Variants in PCDH11Y observed in about 807,000 individuals in gnomAD.
PCDH11Y encodes the protein protocadherin 11 Y-linked, also known as protocadherin-11 Y-linked.
For synonymous variants in PCDH11Y, 9 were observed against 83.6 expected, an observed-to-expected ratio of 0.11 and a Z score of 4.87; for missense variants, 12 against 224.8, an observed-to-expected ratio of 0.05 and a Z score of 6.05.
chrY:5,530,534 G>A (rs34707294), intron 3 of PCDH11Y, among the ~76,000 whole-genome samples: 1 of 32,163 alleles, frequency 3.1e-5, no homozygotes, highest in African/African-American at 1.2e-4. Context: ...TTTTATAAAC[G>A]CAGTCAGTAT....
At chrY:5,135,692 G>A in intron 2 of PCDH11Y, among the ~76,000 whole-genome samples, 1 of 33,168 alleles carries the variant, frequency 3.0e-5, no homozygotes, top group Non-Finnish European at 7.4e-5. Context: ...CAGTATTTCC[G>A]TAACTACCCT....
intron 4 of PCDH11Y, among the ~76,000 whole-genome samples, chrY:5,593,828 A>T: frequency 6.2e-5 from 2 of 32,045 alleles, no homozygotes; most frequent in Non-Finnish European, 1.5e-4. Flanking sequence ...TAACTCTGGG[A>T]GACTGGTATT....
chrY:5,217,990 T>G (rs2052948539), intron 2 of PCDH11Y, among the ~76,000 whole-genome samples: 2 of 33,574 alleles, frequency 6.0e-5, no homozygotes, highest in Non-Finnish European at 7.4e-5. Context: ...TCTCCTCACC[T>G]GTAAGGCTGT....
At chrY:5,433,673 G>T (rs375344323) in intron 2 of PCDH11Y, among the ~76,000 whole-genome samples, 1 of 32,381 alleles carries the variant, frequency 3.1e-5, no homozygotes, top group African/African-American at 1.2e-4. Context: ...TTTTAGTAGA[G>T]ACAGGGTCTC....
At chrY:5,605,197 C>T (rs2053477834) in intron 4 of PCDH11Y, among the ~76,000 whole-genome samples, 1 of 32,931 alleles carries the variant, frequency 3.0e-5, no homozygotes, top group Non-Finnish European at 7.5e-5. Flanking sequence ...ATGCACTAAT[C>T]GGAAAACTGT....
intron 3 of PCDH11Y, among the ~76,000 whole-genome samples, chrY:5,520,499 G>A: frequency 2.2e-4 from 7 of 32,161 alleles, no homozygotes; most frequent in Non-Finnish European, 4.5e-4. Flanking sequence ...TGTTTTGTAT[G>A]AACATTTCAC....
At chrY:5,012,522 A>G in intron 1 of PCDH11Y, among the ~76,000 whole-genome samples, 3 of 31,234 alleles carry the variant, frequency 9.6e-5, no homozygotes, top group Non-Finnish European at 2.3e-4. Context: ...ACCTTCCACC[A>G]GGCCCCTCCT....
intron 3 of PCDH11Y, among the ~76,000 whole-genome samples, chrY:5,575,798 T>C: frequency 1.5e-4 from 5 of 32,891 alleles, no homozygotes; most frequent in African/African-American, 5.9e-4. Context: ...CATTATTATC[T>C]TGGAGGCATG....
intron 3 of PCDH11Y, among the ~76,000 whole-genome samples, chrY:5,038,250 T>C: frequency 3.2e-5 from 1 of 31,737 alleles, no homozygotes; most frequent in African/African-American, 1.2e-4. Flanking sequence ...TCACAGGTAC[T>C]TATTTATAGT....
At chrY:5,512,611 T>C in intron 3 of PCDH11Y, among the ~76,000 whole-genome samples, 2 of 32,305 alleles carry the variant, frequency 6.2e-5, no homozygotes, top group African/African-American at 2.4e-4. Context: ...AGAGTTTTCA[T>C]TTCTAACAAG....
intron 1 of PCDH11Y, among the ~76,000 whole-genome samples, chrY:5,002,269 A>G (rs2124616888): frequency 3.7e-4 from 12 of 32,220 alleles, no homozygotes; most frequent in African/African-American, 1.5e-3. Context: ...GTGTCATAGC[A>G]GTCGCCTGTG....
intron 2 of PCDH11Y, among the ~76,000 whole-genome samples, chrY:5,251,840 T>C (rs1602893840): frequency 6.1e-5 from 2 of 32,909 alleles, no homozygotes; most frequent in Admixed American, 5.6e-4. Context: ...CCTTATTTCA[T>C]TGGAATACAA....
intron 3 of PCDH11Y, among the ~76,000 whole-genome samples, chrY:5,519,257 G>T (rs2124689916): frequency 6.3e-5 from 2 of 31,546 alleles, no homozygotes; most frequent in South Asian, 1.5e-3. Context: ...GGGCGTGGTG[G>T]CGGGCGCCTG....
chrY:5,200,371 C>T, intron 2 of PCDH11Y, among the ~76,000 whole-genome samples: 3 of 32,148 alleles, frequency 9.3e-5, no homozygotes, highest in Admixed American at 2.9e-4. Flanking sequence ...TGAAAGAAGA[C>T]ACTTAAATGC....
At chrY:5,684,735 A>G (rs2053561865) in intron 4 of PCDH11Y, among the ~76,000 whole-genome samples, 1 of 34,116 alleles carries the variant, frequency 2.9e-5, no homozygotes, top group Non-Finnish European at 7.3e-5. Flanking sequence ...ACAGAAACAC[A>G]AATATTGCAC....
chrY:5,294,508 C>T, intron 2 of PCDH11Y, among the ~76,000 whole-genome samples: 4 of 31,718 alleles, frequency 1.3e-4, no homozygotes, highest in Non-Finnish European at 3.0e-4. Flanking sequence ...CTGCCTGCCT[C>T]GGCCTCCCAA....
chrY:5,330,506 T>C, intron 2 of PCDH11Y, among the ~76,000 whole-genome samples: 13 of 33,970 alleles, frequency 3.8e-4, no homozygotes, highest in Non-Finnish European at 8.1e-4. Flanking sequence ...TAAACAAATA[T>C]TTGTAGGTTA....
At chrY:5,395,015 C>G (rs2124676346) in intron 2 of PCDH11Y, among the ~76,000 whole-genome samples, 1 of 32,845 alleles carries the variant, frequency 3.0e-5, no homozygotes, top group South Asian at 6.6e-4. Flanking sequence ...TTCCTACCTC[C>G]AAGGACCTCA....
At chrY:5,201,598 C>T in intron 2 of PCDH11Y, among the ~76,000 whole-genome samples, 2 of 32,478 alleles carry the variant, frequency 6.2e-5, no homozygotes, top group Non-Finnish European at 1.5e-4. Flanking sequence ...ATGTTTCCCT[C>T]ACTCCAAGTC....
Sources: gnomAD v4.1 joint callset for allele counts (sites outside exome capture counted in the v4.1 genomes callset) on GRCh38, gnomAD v4.1.1 for gene constraint, MANE v1.5 for transcripts, NCBI Gene and HGNC (gene_info 2026-07-23, HGNC 2026-07-21) for gene names.